The following PTPRM variants were observed in gnomAD, a reference collection of about 807,000 sequenced individuals.
PTPRM encodes protein tyrosine phosphatase receptor type M.
In PTPRM, 47 loss-of-function variants were observed where a neutral mutation model predicts 186.7. That is an observed-to-expected ratio of 0.25 (90% CI 0.20 to 0.32). The LOEUF (loss-of-function observed/expected upper bound fraction) is 0.32, where lower values mean the gene tolerates loss of function less well. Among genes scored for constraint, PTPRM ranks in the 10% least tolerant of loss-of-function variants. The probability of loss-of-function intolerance (pLI) is 1.00; values close to 1 mark genes in which losing one functional copy is unlikely to be tolerated. For synonymous variants in PTPRM, 668 were observed against 674.9 expected (o/e 0.99, Z 0.16); for missense variants, 1,494 against 1,865.0 (o/e 0.80, Z 3.66).
intron 14 of PTPRM, among the ~76,000 whole-genome samples, chr18:8,194,057 C>T (rs1345214166): frequency 6.6e-6 from 1 of 152,196 alleles, no homozygotes; most frequent in African/African-American, 2.4e-5. Flanking sequence ...AGACAGGGGG[C>T]CTTGAGAGGC....
At chr18:8,216,704 CAT>C (rs928546695) in intron 14 of PTPRM, among the ~76,000 whole-genome samples, 5 of 152,196 alleles carry the variant, frequency 3.3e-5, no homozygotes, top group Non-Finnish European at 5.9e-5. Flanking sequence ...CATATGGTAA[CAT>C]ATTATTTCCA....
intron 17 of PTPRM, among the ~76,000 whole-genome samples, chr18:8,251,209 G>A (rs910190067): frequency 1.3e-5 from 2 of 152,200 alleles, no homozygotes; most frequent in Admixed American, 6.5e-5. Flanking sequence ...GGTTGCTGGT[G>A]TATCCACGTG....
chr18:8,013,628 G>A (rs1175490040), intron 7 of PTPRM, among the ~76,000 whole-genome samples: 3 of 152,092 alleles, frequency 2.0e-5, no homozygotes, highest in African/African-American at 7.2e-5. Flanking sequence ...AAGTGGACTC[G>A]TACAGTTCAA....
At chr18:8,181,871 AT>A (rs892427438) in intron 14 of PTPRM, among the ~76,000 whole-genome samples, 2 of 152,142 alleles carry the variant, frequency 1.3e-5, no homozygotes, top group African/African-American at 4.8e-5. Flanking sequence ...AAAAAAAAAA[AT>A]ACCTTAAAAA....
At chr18:8,176,432 T>C (rs988019501) in intron 14 of PTPRM, among the ~76,000 whole-genome samples, 8 of 152,184 alleles carry the variant, frequency 5.3e-5, no homozygotes, top group African/African-American at 1.7e-4. Flanking sequence ...TAATTATTCA[T>C]CAAATATAAA....
chr18:7,581,589 T>A lies in PTPRM; in HGVS notation c.73+13698T>A, dbSNP rs537681126. Among the ~76,000 whole-genome samples the A allele has an allele frequency of 7.9e-5, 12 of 152,192 alleles. No individual in the cohort carries two copies. In the South Asian group the frequency reaches 2.5e-3, roughly 32 times the overall value. On this transcript the variant is annotated intron_variant, in intron 1 of 32. Coordinates refer to ENST00000580170, the MANE Select transcript of PTPRM (RefSeq NM_001105244.2). ...TTTTGGGTGGTGGCAGAAAGTAAAT[T>A]AGTTTCAAATCTCATCATTTGCATC...
At chr18:8,376,657 C>G in intron 26 of PTPRM, 60 bp downstream of exon 26, 1 of 1,543,384 alleles carries the variant, frequency 6.5e-7, no homozygotes, top group Non-Finnish European at 8.7e-7. Flanking sequence ...CTGCATCTCC[C>G]CATTTCAGGG....
chr18:8,110,022 T>C (rs1305009575), intron 11 of PTPRM, among the ~76,000 whole-genome samples: 2 of 152,220 alleles, frequency 1.3e-5, no homozygotes, highest in Admixed American at 1.3e-4. Flanking sequence ...CACATTAAAT[T>C]TTAATAAGGC....
At chr18:8,321,831 C>A (rs2095347932) in intron 22 of PTPRM, among the ~76,000 whole-genome samples, 1 of 152,072 alleles carries the variant, frequency 6.6e-6, no homozygotes, top group African/African-American at 2.4e-5. Flanking sequence ...TACATTCATA[C>A]CATGATGTTC....
At chr18:7,939,705 T>G (rs975766574) in intron 5 of PTPRM, among the ~76,000 whole-genome samples, 8 of 152,160 alleles carry the variant, frequency 5.3e-5, no homozygotes, top group Non-Finnish European at 1.2e-4. Context: ...TCACTGTGCT[T>G]TGCATGGTGT....
At chr18:7,588,046 A>G (rs2037024940) in intron 1 of PTPRM, among the ~76,000 whole-genome samples, 1 of 152,214 alleles carries the variant, frequency 6.6e-6, no homozygotes, top group African/African-American at 2.4e-5. Flanking sequence ...GTAATAAGTT[A>G]TAAAACCATA....
rs202045877 is a variant in PTPRM at position 8,370,241 on chromosome 18, G to A, written c.3055-649G>A. Among the ~76,000 whole-genome samples the A allele has an allele frequency of 5.9e-5, 9 of 151,814 alleles. No individual in the cohort carries two copies. In the East Asian group the frequency reaches 1.5e-3, roughly 26 times the overall value. ...CTAGGAGAATTTCAAAAATATGACAGTGGAGTGCTTCAGTGCTCAGAAATG... is the reference window on the plus strand; with the variant it reads ...CTAGGAGAATTTCAAAAATATGACAATGGAGTGCTTCAGTGCTCAGAAATG... On this transcript the variant is annotated intron_variant, in intron 23 of 32. Transcript: ENST00000580170.
chr18:7,779,808 G>A (rs181456085), intron 2 of PTPRM, among the ~76,000 whole-genome samples: 42 of 152,296 alleles, frequency 2.8e-4, no homozygotes, highest in African/African-American at 9.1e-4. Flanking sequence ...TTCAACAAAT[G>A]TTTATTAAAC....
intron 19 of PTPRM, among the ~76,000 whole-genome samples, chr18:8,268,749 G>C (rs527641624): frequency 2.0e-5 from 3 of 152,004 alleles, no homozygotes; most frequent in Non-Finnish European, 4.4e-5. Flanking sequence ...ATTTATCCCT[G>C]GGGTGCAAGG....
intron 1 of PTPRM, among the ~76,000 whole-genome samples, chr18:7,647,631 A>G (rs1598292023): frequency 6.6e-6 from 1 of 152,360 alleles, no homozygotes; most frequent in Non-Finnish European, 1.5e-5. Context: ...TGTCCTGGTC[A>G]TGCCCATAGC....
chr18:7,834,716 A>G (rs1405826638), intron 2 of PTPRM, among the ~76,000 whole-genome samples: 2 of 151,838 alleles, frequency 1.3e-5, no homozygotes, highest in Non-Finnish European at 1.5e-5. Flanking sequence ...GTTAGAATTC[A>G]GCAGTGAAGC....
intron 7 of PTPRM, among the ~76,000 whole-genome samples, chr18:7,959,855 A>G (rs1484050590): frequency 6.6e-6 from 1 of 152,260 alleles, no homozygotes; most frequent in Non-Finnish European, 1.5e-5. Context: ...TTCAAGCTTT[A>G]TATACATATC....
chr18:8,162,528 G>A (rs2093250500), intron 14 of PTPRM, among the ~76,000 whole-genome samples: 1 of 152,172 alleles, frequency 6.6e-6, no homozygotes, highest in East Asian at 1.9e-4. Context: ...TTCCCAGGAG[G>A]GAAGCCAGCC....
In PTPRM at chr18:7,707,647, A is replaced by G. The variant is rs186860248; in HGVS notation, c.74-66502A>G. Among the ~76,000 whole-genome samples, 20 of 152,238 alleles carry G rather than the reference A, an allele frequency of 1.3e-4. No individual in the cohort carries two copies. The East Asian group carries it at 3.3e-3, about 25-fold the overall frequency. The stretch of plus-strand genomic sequence containing the variant: ...GAGTGAGGCCCTATCTCTAAATAAT[A>G]AATAATGAATACATAAATATCTACT... On this transcript the variant is annotated intron_variant, in intron 1 of 32. Coordinates refer to ENST00000580170, the MANE Select transcript of PTPRM (RefSeq NM_001105244.2).
Sources: allele counts gnomAD v4.1 joint callset (sites outside exome capture counted in the v4.1 genomes callset), GRCh38; gene constraint gnomAD v4.1.1; transcripts MANE v1.5; gene names NCBI Gene and HGNC (gene_info 2026-07-23, HGNC 2026-07-21).